RSRC2: variants seen among roughly 807,000 people sequenced by gnomAD.
RSRC2 encodes arginine and serine rich coiled-coil 2, also known as arginine/serine-rich coiled-coil protein 2.
A neutral mutation model predicts 61.3 loss-of-function variants in RSRC2; 5 were observed. The ratio of observed to expected loss-of-function variants is 0.08; its 90% CI spans 0.04 to 0.17. RSRC2 has a LOEUF of 0.17. Among genes scored for constraint, RSRC2 ranks in the 10% least tolerant of loss-of-function variants. The probability of loss-of-function intolerance (pLI) is 1.00; values close to 1 mark genes in which losing one functional copy is unlikely to be tolerated. For missense variants in RSRC2, 381 were observed against 518.8 expected (o/e 0.73, Z 2.58); for synonymous variants, 202 against 166.5 (o/e 1.21, Z -1.64).
chr12:122,519,101 CAAA>C (rs1565902287), intron 3 of RSRC2, 72 bp from the exon 4 acceptor site: 1 of 1,284,796 alleles, frequency 7.8e-7, no homozygotes, highest in Non-Finnish European at 1.1e-6. Context: ...TATCAGTAGA[CAAA>C]AATGTTGTGA....
Position 122,518,848 on chromosome 12 carries a change from G to C in RSRC2, c.389C>G (p.Ser130Cys). The change falls in exon 4 of 10, where the codon TCT (serine) becomes TGT (cysteine). Residue 130 changes from serine (S) to cysteine (C), a missense_variant. Around this residue, in one of 4 missense-constraint regions of RSRC2, gnomAD observed 266 missense variants for 270.5 expected, o/e 0.98. Coordinates refer to ENST00000331738, the MANE Select transcript of RSRC2 (RefSeq NM_023012.6). ...SRGRSHSRSRSRERRHRSRSR... is the reference protein window; with the variant it reads ...SRGRSHSRSRCRERRHRSRSR... ...ATACAACATGACTTACCTTTCACGA[G>C]ACCTAGATCTTGAGTGACTTCTGCC... The C allele has an allele frequency of 6.2e-7, 1 of 1,613,428 alleles. No individual in the cohort carries two copies. Among genetic ancestry groups the C allele is most frequent in the Non-Finnish European group, 8.5e-7 (1 of 1,179,426 alleles).
chr12:122,523,826 T>C (rs1220369618), intron 1 of RSRC2: 2 of 152,204 alleles, frequency 1.3e-5, no homozygotes, highest in Non-Finnish European at 2.9e-5. Flanking sequence ...TCAACAAGTA[T>C]TTACTAAGGG....
At chr12:122,522,369 G>A in intron 1 of RSRC2, 70 bp from the exon 2 acceptor site, 2 of 1,393,982 alleles carry the variant, frequency 1.4e-6, no homozygotes, top group African/African-American at 1.5e-5. Context: ...CTTAAAAGAG[G>A]GACAAAGGGA....
At position 122,505,086 on chromosome 12, in the gene RSRC2, A is replaced by G. The variant is rs1033165665; in HGVS notation, c.*441T>C. On this transcript the variant is annotated 3_prime_UTR_variant, in exon 10 of 10. Coordinates refer to ENST00000331738, the MANE Select transcript of RSRC2 (RefSeq NM_023012.6). Reference sequence around the variant, plus strand: ...GAAAACCATTTTTATTATCATTACCACCCAGCTTATCTGTGCTGGATTATG... The same window carrying G: ...GAAAACCATTTTTATTATCATTACCGCCCAGCTTATCTGTGCTGGATTATG... 8 of 153,406 alleles carry G rather than the reference A, an allele frequency of 5.2e-5. No individual in the cohort carries two copies. The highest frequency in any genetic ancestry group is 1.7e-4 in the African/African-American group (7 of 41,480). The allele number at this position is 153,406 out of a possible 1,614,324, so 9.5% of individuals were successfully genotyped here.
intron 7 of RSRC2, among the ~76,000 whole-genome samples, chr12:122,509,802 A>AT (rs1491342456): frequency 6.6e-6 from 1 of 152,110 alleles, no homozygotes; most frequent in Admixed American, 6.6e-5. Flanking sequence ...CCAAATCAAC[A>AT]GTAAGCTCTT....
At chr12:122,513,790 G>C in intron 6 of RSRC2, 1 of 985,436 alleles carries the variant, frequency 1.0e-6, no homozygotes, top group Non-Finnish European at 1.2e-6. Context: ...TTCAGCTGCA[G>C]TTTCTGTCAG....
chr12:122,508,170 AT>A, intron 8 of RSRC2, 47 bp downstream of exon 8: 1 of 1,532,006 alleles, frequency 6.5e-7, no homozygotes, highest in Non-Finnish European at 9.0e-7. Context: ...TTTCTAAGCA[AT>A]TACTAATTAG....
Position 122,521,378 on chromosome 12 carries a change from T to TA in RSRC2, c.207+6dup, listed in dbSNP as rs756952254. The TA allele has an allele frequency of 2.9e-5, 46 of 1,607,032 alleles. No individual in the cohort carries two copies. The highest frequency in any genetic ancestry group is 3.6e-5 in the Non-Finnish European group (42 of 1,174,584). On this transcript the variant is annotated splice_region_variant and intron_variant, in intron 3 of 9. Coordinates refer to ENST00000331738, the MANE Select transcript of RSRC2 (RefSeq NM_023012.6). Reference sequence around the variant, plus strand: ...AAAGTACCTATTCACTACAAAGTGTTAATTACCTCTTTGCTTCTGCTCCGG... The same window carrying TA: ...AAAGTACCTATTCACTACAAAGTGTTAAATTACCTCTTTGCTTCTGCTCCGG...
intron 6 of RSRC2, chr12:122,513,940 G>T: frequency 3.5e-6 from 1 of 286,194 alleles, no homozygotes; most frequent in Middle Eastern, 1.6e-3. Context: ...GCTGAGGTGG[G>T]AGGATTGCTT....
rs900526176 is a variant in RSRC2 at position 122,508,720 on chromosome 12, G to C, written c.806-273C>G. ...GCCTGTAATCCCAGCACTTTGGGAG[G>C]CTGAGGTGGGCGGATCACCTGAGGT... On this transcript the variant is annotated intron_variant, in intron 7 of 9. Coordinates refer to ENST00000331738, the MANE Select transcript of RSRC2 (RefSeq NM_023012.6). 4.6e-5 allele frequency among the ~76,000 whole-genome samples: 7 copies of C among 152,094 alleles called. No homozygotes were observed. The South Asian group carries it at 1.5e-3, about 32-fold the overall frequency.
intron 4 of RSRC2, among the ~76,000 whole-genome samples, chr12:122,517,731 CTTTAG>C (rs988690062): frequency 5.3e-5 from 8 of 152,078 alleles, no homozygotes; most frequent in East Asian, 1.9e-4. Flanking sequence ...AATCTTAATA[CTTTAG>C]TTTATCTACT....
At chr12:122,518,577 A>G (rs1959098220) in intron 4 of RSRC2, among the ~76,000 whole-genome samples, 1 of 139,058 alleles carries the variant, frequency 7.2e-6, no homozygotes, top group South Asian at 2.4e-4. Context: ...TGGGCAACAC[A>G]GCAAGACTCC....
chr12:122,511,498 C>G (rs1270003570), intron 6 of RSRC2, among the ~76,000 whole-genome samples: 3 of 152,124 alleles, frequency 2.0e-5, no homozygotes, highest in Non-Finnish European at 4.4e-5. Flanking sequence ...ATATTGAAAG[C>G]TGAGTAAATT....
intron 1 of RSRC2, chr12:122,526,378 CA>C (rs532711796): frequency 0.013 from 2,016 of 153,200 alleles, 16 homozygotes; most frequent in South Asian, 0.035. Flanking sequence ...ATTGAGCGTA[CA>C]AAAAAAAAAA....
At chr12:122,520,452 C>G (rs1959181175) in intron 3 of RSRC2, 5 of 994,736 alleles carry the variant, frequency 5.0e-6, no homozygotes, top group Non-Finnish European at 7.3e-6. Context: ...AAACCCTTAA[C>G]TGATTTAAGA....
chr12:122,514,976 A>G, intron 6 of RSRC2, 129 bp downstream of exon 6: 1 of 1,036,204 alleles, frequency 9.7e-7, no homozygotes, highest in Non-Finnish European at 1.4e-6. Context: ...ATAGTTCTAG[A>G]TCACAAATAT....
chr12:122,514,283 G>C (rs1202745534), intron 6 of RSRC2, among the ~76,000 whole-genome samples: 1 of 68,498 alleles, frequency 1.5e-5, no homozygotes, highest in Non-Finnish European at 3.3e-5. Context: ...TTTTTTTTTT[G>C]AGACTGAGTC....
chr12:122,506,664 G>C (rs576337324), intron 9 of RSRC2, 170 bp downstream of exon 9: 6 of 592,908 alleles, frequency 1.0e-5, no homozygotes, highest in African/African-American at 7.4e-5. Flanking sequence ...GTGGGTAGGG[G>C]AGATGGAAAT....
At chr12:122,506,022 C>CCCTGCCG (rs1396047459) in intron 9 of RSRC2, among the ~76,000 whole-genome samples, 1 of 152,070 alleles carries the variant, frequency 6.6e-6, no homozygotes, top group Non-Finnish European at 1.5e-5. Context: ...CAGGGATCCC[C>CCCTGCCG]CCTGCCGCCT....
Sources: gnomAD v4.1 joint callset for allele counts (sites outside exome capture counted in the v4.1 genomes callset) on GRCh38, gnomAD v4.1.1 for gene constraint, gnomAD v4.1.1 regional missense constraint, MANE v1.5 for transcripts, NCBI Gene and HGNC (gene_info 2026-07-23, HGNC 2026-07-21) for gene names.